The following VAX2 variants were observed in gnomAD, a reference collection of about 807,000 sequenced individuals.
VAX2 encodes ventral anterior homeobox 2.
VAX2 carries 8 observed loss-of-function variants against 12.5 expected under a neutral mutation model. The ratio of observed to expected loss-of-function variants is 0.64; its 90% CI spans 0.37 to 1.15. The LOEUF is 1.15. Ranked by LOEUF, VAX2 falls within the 50% of genes most tolerant of loss-of-function variation. The pLI, the probability that VAX2 is intolerant of heterozygous loss-of-function variation, is 0.01. For synonymous variants in VAX2, 183 were observed against 187.6 expected, an observed-to-expected ratio of 0.98 and a Z score of 0.20; for missense variants, 476 against 412.9, an observed-to-expected ratio of 1.15 and a Z score of -1.32.
chr2:70,929,507 T>G (rs1425344877), intron 2 of VAX2, among the ~76,000 whole-genome samples: 1 of 152,174 alleles, frequency 6.6e-6, no homozygotes, highest in Non-Finnish European at 1.5e-5. Context: ...GCCAACATGG[T>G]GAAACCCTGT....
In VAX2 at chr2:70,933,069, A is replaced by ACT; in HGVS notation, c.738_739insCT (p.Ala247LeufsTer30). ...CCCCCCCACTGCCGCCCCCTCTGCC[A>ACT]GCTGTCTGCTTTTCCTCGGCCCCGC... On this transcript the variant is annotated frameshift_variant, in exon 3 of 3. Coordinates refer to ENST00000234392, the MANE Select transcript of VAX2 (RefSeq NM_012476.3). LOFTEE classifies it high-confidence loss of function. 1 of 1,608,372 alleles carries ACT rather than the reference A, an allele frequency of 6.2e-7. No homozygotes were observed. The highest frequency in any genetic ancestry group is 8.5e-7 in the Non-Finnish European group (1 of 1,177,642).
At chr2:70,932,289 C>T (rs1679709778) in intron 2 of VAX2, among the ~76,000 whole-genome samples, 1 of 152,004 alleles carries the variant, frequency 6.6e-6, no homozygotes, top group African/African-American at 2.4e-5. Flanking sequence ...TTTGAGATAT[C>T]CATGGGGAGA....
intron 1 of VAX2, among the ~76,000 whole-genome samples, chr2:70,911,900 A>G (rs528584439): frequency 1.3e-5 from 2 of 152,276 alleles, no homozygotes; most frequent in African/African-American, 4.8e-5. Flanking sequence ...TAGGTACTCA[A>G]ATATGTCATT....
intron 1 of VAX2, among the ~76,000 whole-genome samples, chr2:70,902,549 C>T (rs192629523): frequency 6.6e-6 from 1 of 152,322 alleles, no homozygotes; most frequent in African/African-American, 2.4e-5. Flanking sequence ...AAAGTCACTG[C>T]CTGTGACACT....
intron 1 of VAX2, among the ~76,000 whole-genome samples, chr2:70,901,911 C>T (rs1678941502): frequency 6.6e-6 from 1 of 152,226 alleles, no homozygotes; most frequent in Non-Finnish European, 1.5e-5. Flanking sequence ...CAGGCTCCTT[C>T]CTGGGCTCCC....
At chr2:70,916,933 C>T (rs1679317924) in intron 1 of VAX2, among the ~76,000 whole-genome samples, 1 of 151,954 alleles carries the variant, frequency 6.6e-6, no homozygotes. Flanking sequence ...GGTGGATCAC[C>T]TGAGGTCAGG....
At chr2:70,924,944 A>T (rs1679536439) in intron 2 of VAX2, among the ~76,000 whole-genome samples, 1 of 152,170 alleles carries the variant, frequency 6.6e-6, no homozygotes, top group South Asian at 2.1e-4. Flanking sequence ...TGTTCAGGGA[A>T]GGCCTCTTTG....
At chr2:70,903,172 G>C (rs1038591838) in intron 1 of VAX2, among the ~76,000 whole-genome samples, 1 of 152,152 alleles carries the variant, frequency 6.6e-6, no homozygotes, top group Non-Finnish European at 1.5e-5. Context: ...AACTGCCTTG[G>C]CCCCTGAATG....
intron 1 of VAX2, among the ~76,000 whole-genome samples, chr2:70,906,776 TC>T (rs1553410647): frequency 2.0e-5 from 3 of 152,106 alleles, no homozygotes. Context: ...GCACGCAGCT[TC>T]CCATAAATGT....
At chr2:70,927,733 G>A (rs945852621) in intron 2 of VAX2, among the ~76,000 whole-genome samples, 2 of 152,080 alleles carry the variant, frequency 1.3e-5, no homozygotes, top group Non-Finnish European at 2.9e-5. Context: ...CGCGGCCATG[G>A]ATCACAGTGT....
At position 70,933,113 on chromosome 2, in the gene VAX2, G is replaced by A. The variant is rs781854813; in HGVS notation, c.782G>A (p.Gly261Asp). Residue 261 changes from glycine (G) to aspartate (D), a missense_variant, in exon 3 of 3, where the codon GGC becomes GAC. Gly to Asp is a moderately conservative substitution (Grantham distance 94). Coordinates refer to ENST00000234392, the MANE Select transcript of VAX2 (RefSeq NM_012476.3). ...GCCCCGCTCCTGGATCTGCCTGCCGGCTACGAACTGGGTTCCTCGGCCTTC... is the reference window on the plus strand; with the variant it reads ...GCCCCGCTCCTGGATCTGCCTGCCGACTACGAACTGGGTTCCTCGGCCTTC... ...SSAPLLDLPAGYELGSSAFEP... is the reference protein window; with the variant it reads ...SSAPLLDLPADYELGSSAFEP... 27 of 1,609,128 alleles carry A rather than the reference G, an allele frequency of 1.7e-5. No homozygotes were observed. The highest frequency in any genetic ancestry group is 2.3e-5 in the Non-Finnish European group (27 of 1,178,110).
Position 70,900,804 on chromosome 2 carries a change from A to G in VAX2, c.183A>G (p.Gly61=). Residue 61 remains glycine, a synonymous_variant, in exon 1 of 3, where the codon GGA becomes GGG. Transcript: ENST00000234392. Reference sequence around the variant, plus strand: ...GTCCCGCAGGCTCCAGGGAGAGTGGAGCCGACAGCGACGGGCAGCCCGGGC... The same window carrying G: ...GTCCCGCAGGCTCCAGGGAGAGTGGGGCCGACAGCGACGGGCAGCCCGGGC... ...ASSPAGSRES[G]ADSDGQPGPG... The G allele has an allele frequency of 6.7e-7, 1 of 1,492,778 alleles. No individual in the cohort carries two copies. 92.5% of individuals were successfully genotyped at this position (1,492,778 alleles called of 1,614,324 possible).
At chr2:70,902,989 T>G (rs1678967122) in intron 1 of VAX2, among the ~76,000 whole-genome samples, 1 of 152,218 alleles carries the variant, frequency 6.6e-6, no homozygotes, top group African/African-American at 2.4e-5. Context: ...TATAAATCCC[T>G]CTGCCCTTCC....
intron 2 of VAX2, among the ~76,000 whole-genome samples, chr2:70,921,593 G>A (rs1679460309): frequency 6.6e-6 from 1 of 152,102 alleles, no homozygotes; most frequent in Admixed American, 6.5e-5. Flanking sequence ...GGCTTGGGGG[G>A]GTGTTGGCAT....
intron 2 of VAX2, among the ~76,000 whole-genome samples, chr2:70,922,448 T>A (rs1679480124): frequency 6.6e-6 from 1 of 152,152 alleles, no homozygotes; most frequent in Non-Finnish European, 1.5e-5. Context: ...GCTCTCCCTG[T>A]TTCCCTCAGC....
intron 1 of VAX2, among the ~76,000 whole-genome samples, chr2:70,908,069 C>T (rs1031476287): frequency 2.0e-5 from 3 of 152,216 alleles, no homozygotes; most frequent in African/African-American, 7.2e-5. Flanking sequence ...CAGGGTTCTT[C>T]TAGACCTTTG....
intron 1 of VAX2, among the ~76,000 whole-genome samples, chr2:70,918,126 C>T (rs184376431): frequency 8.5e-5 from 13 of 152,326 alleles, no homozygotes; most frequent in Admixed American, 7.8e-4. Flanking sequence ...CTCTAGAACA[C>T]ATCCTTTTGA....
rs1302206559 is a variant in VAX2 at position 70,904,157 on chromosome 2, C to T, written c.247+3289C>T. Among the ~76,000 whole-genome samples, 1 of 152,264 alleles carries T rather than the reference C, an allele frequency of 6.6e-6. No homozygotes were observed. The highest frequency in any genetic ancestry group is 1.5e-5 in the Non-Finnish European group (1 of 68,050). On this transcript the variant is annotated intron_variant, in intron 1 of 2. Transcript: ENST00000234392. The surrounding 1 kb of genome is among the most constrained non-coding windows in gnomAD (Gnocchi z 4.2). ...CCTAAGGCCTGAGAAGGCCGCTCCA[C>T]ACCTCCGCGTGCACAGTCCCTAGAC...
intron 1 of VAX2, among the ~76,000 whole-genome samples, chr2:70,910,083 G>A (rs1679149576): frequency 6.6e-6 from 1 of 151,214 alleles, no homozygotes; most frequent in Admixed American, 6.6e-5. Flanking sequence ...TGTGATAATA[G>A]TATTATAGGT....
Sources: gnomAD v4.1 joint callset for allele counts (sites outside exome capture counted in the v4.1 genomes callset) on GRCh38, gnomAD v4.1.1 for gene constraint, Gnocchi (gnomAD v3.1) non-coding constraint, MANE v1.5 for transcripts, NCBI Gene and HGNC (gene_info 2026-07-23, HGNC 2026-07-21) for gene names.